The following CGA variants were observed in gnomAD, a reference collection of about 807,000 sequenced individuals.
The protein encoded by CGA is glycoprotein hormones, alpha polypeptide.
CGA carries 4 observed loss-of-function variants against 12.0 expected under a neutral mutation model. The ratio of observed to expected loss-of-function variants is 0.33; its 90% CI spans 0.16 to 0.76. CGA has a LOEUF of 0.76. Ranked by LOEUF, CGA falls within the 30% of genes least tolerant of loss-of-function variation. The pLI is 0.60. For missense variants in CGA, 102 were observed against 143.5 expected, an observed-to-expected ratio of 0.71 and a Z score of 1.48; for synonymous variants, 60 against 56.6, an observed-to-expected ratio of 1.06 and a Z score of -0.27.
chr6:87,092,627 G>GA (rs978160786), intron 1 of CGA, among the ~76,000 whole-genome samples: 3 of 147,776 alleles, frequency 2.0e-5, no homozygotes, highest in African/African-American at 7.5e-5. Flanking sequence ...AGAGAGAAAA[G>GA]AAAAAAGAAA....
chr6:87,091,650 T>C (rs1769434283), intron 1 of CGA, among the ~76,000 whole-genome samples: 2 of 152,182 alleles, frequency 1.3e-5, no homozygotes, highest in South Asian at 2.1e-4. Flanking sequence ...CACATCAAGA[T>C]AATATGTGTC....
intron 3 of CGA, 68 bp downstream of exon 3, chr6:87,086,182 G>T: frequency 7.1e-7 from 1 of 1,401,446 alleles, no homozygotes; most frequent in Non-Finnish European, 9.8e-7. Context: ...TAAATTCCAT[G>T]GGTGGGCTCT....
intron 1 of CGA, among the ~76,000 whole-genome samples, chr6:87,092,095 T>TTTG (rs1769443343): frequency 6.6e-6 from 1 of 151,630 alleles, no homozygotes; most frequent in Admixed American, 6.6e-5. Context: ...TTTTTTTTTT[T>TTTG]GGTAATAAAA....
rs1170256781 is a variant in CGA at position 87,086,370 on chromosome 6, C to T, written c.153G>A (p.Gln51=). Residue 51 remains glutamine (Q), a synonymous_variant, in exon 3 of 4, where the codon CAG becomes CAA. Coordinates refer to ENST00000627148, the MANE Select transcript of CGA (RefSeq NM_000735.4). ...FFSQPGAPIL[Q]CMGCCFSRAY... ...CTCTAGAGAAGCAGCAGCCCATGCA[C>T]TGAAGTATTGGGGCACCCGGCTGGG... is the stretch of plus-strand genomic sequence containing the variant. 3.7e-6 allele frequency: 6 copies of T among 1,613,722 alleles called. No homozygotes were observed. The highest frequency in any genetic ancestry group is 4.2e-6 in the Non-Finnish European group (5 of 1,179,956).
intron 2 of CGA, chr6:87,086,707 A>G: frequency 3.0e-6 from 1 of 331,632 alleles, no homozygotes; most frequent in East Asian, 5.3e-5. Flanking sequence ...AATCGCTTGA[A>G]GCTGGGAGGT....
chr6:87,088,228 A>G lies in CGA; in HGVS notation c.-7-21T>C, dbSNP rs1273848967. 5 of 1,321,802 alleles carry G rather than the reference A, an allele frequency of 3.8e-6. No homozygotes were observed. In the East Asian group the frequency reaches 7.8e-5, roughly 21 times the overall value. 81.9% of individuals were successfully genotyped at this position (1,321,802 alleles called of 1,614,324 possible). On this transcript the variant is annotated intron_variant, in intron 1 of 3. Coordinates refer to ENST00000627148, the MANE Select transcript of CGA (RefSeq NM_000735.4). ...CGCTCCTGCAGACAGACATGGCAAA[A>G]AAAAAAAAACAAAAAACAGTTAATC...
intron 3 of CGA, 97 bp downstream of exon 3, chr6:87,086,153 C>G: frequency 3.6e-6 from 4 of 1,099,640 alleles, no homozygotes; most frequent in Non-Finnish European, 5.3e-6. Context: ...GAGGCTGGGT[C>G]ATTAGACACC....
chr6:87,089,496 G>A (rs1033147697), intron 1 of CGA, among the ~76,000 whole-genome samples: 2 of 152,098 alleles, frequency 1.3e-5, no homozygotes, highest in Admixed American at 1.3e-4. Flanking sequence ...CAAGCTGAAG[G>A]ATATACAGGA....
intron 1 of CGA, among the ~76,000 whole-genome samples, chr6:87,092,876 T>G (rs1769467426): frequency 6.6e-6 from 1 of 150,664 alleles, no homozygotes; most frequent in Non-Finnish European, 1.5e-5. Flanking sequence ...GCCTCCCGGG[T>G]AACTGGGACA....
At chr6:87,087,192 G>T (rs551008347) in intron 2 of CGA, among the ~76,000 whole-genome samples, 1 of 152,304 alleles carries the variant, frequency 6.6e-6, no homozygotes, top group East Asian at 1.9e-4. Flanking sequence ...AGGAAACTAA[G>T]TAAGTGCTTT....
chr6:87,089,221 GTT>G (rs1376768492), intron 1 of CGA: 1 of 152,200 alleles, frequency 6.6e-6, no homozygotes, highest in Non-Finnish European at 1.5e-5. Flanking sequence ...GTTTCAAAGA[GTT>G]AGCACTGGGA....
At position 87,088,117 on chromosome 6, in the gene CGA, C is replaced by A. The variant is rs918013742; in HGVS notation, c.84G>T (p.Val28=). The A allele has an allele frequency of 1.3e-6, 2 of 1,591,386 alleles. No individual in the cohort carries two copies. Among genetic ancestry groups the A allele is most frequent in the Non-Finnish European group, 8.6e-7 (1 of 1,167,034 alleles). The change falls in exon 2 of 4, where the codon GTG becomes GTT. Residue 28 remains valine, a synonymous_variant. Transcript: ENST00000627148. ...ACCACAAATTTGGTCACGCACCCTG[C>A]ACATCAGGAGCGGAATGGAGAACAT... ...FLHVLHSAPD[V]QDCPECTLQE... is the part of the protein sequence containing the mutation.
chr6:87,089,516 AC>A, intron 1 of CGA, among the ~76,000 whole-genome samples: 2 of 152,340 alleles, frequency 1.3e-5, no homozygotes, highest in South Asian at 4.1e-4. Flanking sequence ...ACTTCTCTGT[AC>A]ATTTTTTGCA....
intron 2 of CGA, 43 bp from the exon 3 acceptor site, chr6:87,086,477 A>C: frequency 6.4e-7 from 1 of 1,554,228 alleles, no homozygotes; most frequent in Non-Finnish European, 8.7e-7. Flanking sequence ...TCCAAAAAAG[A>C]CTCAAAAAGA....
intron 2 of CGA, chr6:87,087,579 C>T (rs897575388): frequency 6.6e-6 from 1 of 152,108 alleles, no homozygotes; most frequent in African/African-American, 2.4e-5. Context: ...GCACTTGGGA[C>T]CTGGATTAAA....
chr6:87,086,453 G>C lies in CGA; in HGVS notation c.89-19C>G. 3.2e-6 allele frequency: 5 copies of C among 1,575,924 alleles called. No individual in the cohort carries two copies. The highest frequency in any genetic ancestry group is 1.4e-5 in the African/African-American group (1 of 71,984). ...GGGCAATCTATCAGGGAAAAAAAAA[G>C]GCAGAGTAAAATATCCAAAAAAGAC... On this transcript the variant is annotated intron_variant, in intron 2 of 3. Transcript: ENST00000627148.
chr6:87,094,141 GAAGAGCTTAAGAAACAA>G (rs1769491474), intron 1 of CGA, among the ~76,000 whole-genome samples: 1 of 152,148 alleles, frequency 6.6e-6, no homozygotes, highest in African/African-American at 2.4e-5. Flanking sequence ...GAAAAAGATT[GAAGAGCTTAAGAAACAA>G]AATATCTACA....
At position 87,088,164 on chromosome 6, in the gene CGA, C is replaced by T; in HGVS notation, c.37G>A (p.Val13Ile). The T allele has an allele frequency of 6.3e-7, 1 of 1,593,838 alleles. No homozygotes were observed. Among genetic ancestry groups the T allele is most frequent in the Non-Finnish European group, 8.5e-7 (1 of 1,169,986 alleles). Residue 13 changes from valine (V) to isoleucine (I), a missense_variant, in exon 2 of 4, where the codon GTC becomes ATC. Physicochemically the swap from Val to Ile is conservative, Grantham distance 29 (BLOSUM62 3). Transcript: ENST00000627148. ...ACATGCAGAAACACCGACAATGTGA[C>T]CAGAAAGATAGCTGCATATTTTCTG... ...YYRKYAAIFL[V>I]TLSVFLHVLH...
intron 1 of CGA, among the ~76,000 whole-genome samples, chr6:87,088,475 T>C (rs1769370614): frequency 6.6e-6 from 1 of 152,094 alleles, no homozygotes; most frequent in Admixed American, 6.6e-5. Flanking sequence ...CAAAAAATTC[T>C]CTTTTTAAAT....
Sources: gnomAD v4.1 joint callset for allele counts (sites outside exome capture counted in the v4.1 genomes callset) on GRCh38, gnomAD v4.1.1 for gene constraint, MANE v1.5 for transcripts, NCBI Gene and HGNC (gene_info 2026-07-23, HGNC 2026-07-21) for gene names.